The following PRKD3 variants were observed in gnomAD, a reference collection of about 807,000 sequenced individuals.
PRKD3 encodes the protein serine/threonine-protein kinase D3.
A neutral mutation model predicts 99.2 loss-of-function variants in PRKD3; 47 were observed. The ratio of observed to expected loss-of-function variants is 0.47; its 90% CI spans 0.38 to 0.60. The LOEUF (loss-of-function observed/expected upper bound fraction) is 0.60, where lower values mean the gene tolerates loss of function less well. Ranked by LOEUF, PRKD3 falls within the 20% of genes least tolerant of loss-of-function variation. The pLI, the probability that PRKD3 is intolerant of heterozygous loss-of-function variation, is 0.00. For missense variants in PRKD3, 1,019 were observed against 1,088.4 expected (o/e 0.94, Z 0.90); for synonymous variants, 392 against 355.4 (o/e 1.10, Z -1.16).
Position 37,250,748 on chromosome 2 carries a change from A to G in PRKD3, c.*2429T>C, listed in dbSNP as rs568425740. On this transcript the variant is annotated 3_prime_UTR_variant, in exon 19 of 19. Coordinates refer to ENST00000234179, the MANE Select transcript of PRKD3 (RefSeq NM_005813.6). ...TACATTTTATTATCAAGCTTCCAGT[A>G]TATTTACAAAAAGTTGGATATAACC... The G allele has an allele frequency of 2.6e-5, 4 of 152,284 alleles. No homozygotes were observed. The highest frequency in any genetic ancestry group is 1.3e-4 in the Admixed American group (2 of 15,282). The allele number at this position is 152,284 out of a possible 1,614,324, so 9.4% of individuals were successfully genotyped here. A position where few individuals can be genotyped will look rare whatever the true frequency, so the allele number is the denominator to read the frequency against.
rs1668929590 is a variant in PRKD3, at chr2:37,267,533, T to G, written c.1781A>C (p.Lys594Thr). ...CACATCCCTCCCAGTCTTTCTATGT[T>G]TTCCTATTAAGAAAAAAAGAAGAGG... ...SGQFGIVYGG[K>T]HRKTGRDVAI... Residue 594 changes from lysine to threonine, a missense_variant, in exon 14 of 19, where the codon AAA becomes ACA. Physicochemically the swap from Lys to Thr is moderately conservative, Grantham distance 78. Around this residue, in one of 3 missense-constraint regions of PRKD3, gnomAD observed 184 missense variants for 275.1 expected, o/e 0.67. Transcript: ENST00000234179. 1 of 1,599,432 alleles carries G rather than the reference T, an allele frequency of 6.3e-7. No individual in the cohort carries two copies. Among genetic ancestry groups the G allele is most frequent in the Non-Finnish European group, 8.5e-7 (1 of 1,170,092 alleles).
chr2:37,309,757 A>C (rs1057514158), intron 2 of PRKD3, among the ~76,000 whole-genome samples: 5 of 150,096 alleles, frequency 3.3e-5, no homozygotes, highest in African/African-American at 1.2e-4. Context: ...CTGACGCAGG[A>C]GAATCCCTTG....
intron 7 of PRKD3, among the ~76,000 whole-genome samples, chr2:37,281,682 T>C (rs1669864184): frequency 6.6e-6 from 1 of 152,178 alleles, no homozygotes; most frequent in Non-Finnish European, 1.5e-5. Context: ...TAGCCTATGG[T>C]ATTTTGTTAT....
chr2:37,290,824 T>G (rs1439649884), intron 4 of PRKD3, 44 bp downstream of exon 4: 1 of 1,523,094 alleles, frequency 6.6e-7, no homozygotes, highest in Non-Finnish European at 9.0e-7. Context: ...AATGCAAATG[T>G]GGAATCTTAT....
intron 15 of PRKD3, among the ~76,000 whole-genome samples, chr2:37,259,995 G>A (rs1222826375): frequency 1.3e-5 from 2 of 151,854 alleles, no homozygotes; most frequent in African/African-American, 4.8e-5. Flanking sequence ...TGAAACCCCA[G>A]CTCTACTAAA....
intron 2 of PRKD3, among the ~76,000 whole-genome samples, chr2:37,312,481 T>C (rs577674280): frequency 6.6e-4 from 101 of 152,350 alleles, no homozygotes; most frequent in African/African-American, 4.8e-4. Flanking sequence ...AGTCTTGTTA[T>C]AGCTCTGCCT....
chr2:37,279,525 A>G, intron 8 of PRKD3: 1 of 332,416 alleles, frequency 3.0e-6, no homozygotes, highest in Non-Finnish European at 5.3e-6. Flanking sequence ...AAAAACGAAA[A>G]AAAAAAAACA....
chr2:37,309,962 A>G lies in PRKD3; in HGVS notation c.288+6275T>C, dbSNP rs897819059. Among the ~76,000 whole-genome samples, 5 of 152,324 alleles carry G rather than the reference A, an allele frequency of 3.3e-5. No individual in the cohort carries two copies. In the East Asian group the frequency reaches 9.6e-4, roughly 29 times the overall value. ...ATGCAGCCCAAGAACAGAAGATAAA[A>G]TAAATCACAGAATTGATATACCATT... On this transcript the variant is annotated intron_variant, in intron 2 of 18. Transcript: ENST00000234179.
chr2:37,319,072 A>C (rs1337815619), intron 1 of PRKD3, among the ~76,000 whole-genome samples: 1 of 152,232 alleles, frequency 6.6e-6, no homozygotes, highest in Non-Finnish European at 1.5e-5. Flanking sequence ...TCTGTCAGAT[A>C]CTGTTCTAAG....
In PRKD3 at chr2:37,280,657, ACT is replaced by A. The variant is rs1669813827; in HGVS notation, c.989-730_989-729del. ...AAAATCTAAGAGCTAAAACTATAAAACTCATAGGAGAAAGCATGAGAGTAGAT... is the reference window on the plus strand; with the variant it reads ...AAAATCTAAGAGCTAAAACTATAAAACATAGGAGAAAGCATGAGAGTAGAT... On this transcript the variant is annotated intron_variant, in intron 7 of 18. Transcript: ENST00000234179. 2.0e-5 allele frequency among the ~76,000 whole-genome samples: 3 copies of A among 152,130 alleles called. No homozygotes were observed. The South Asian group carries it at 6.2e-4, about 32-fold the overall frequency.
At chr2:37,310,154 AATTG>A (rs3216660) in intron 2 of PRKD3, among the ~76,000 whole-genome samples, 21,232 of 152,146 alleles carry the variant, frequency 0.14, 1,629 homozygotes, top group South Asian at 0.27. Flanking sequence ...ACATAAACTT[AATTG>A]ATAGTAGTTT....
Position 37,318,903 on chromosome 2 carries a change from C to A in PRKD3, c.-655-1724G>T, listed in dbSNP as rs1282676142. Among the ~76,000 whole-genome samples, 6 of 151,968 alleles carry A rather than the reference C, an allele frequency of 3.9e-5. No individual in the cohort carries two copies. In the East Asian group the frequency reaches 1.2e-3, roughly 29 times the overall value. On this transcript the variant is annotated intron_variant, in intron 1 of 18. Coordinates refer to ENST00000234179, the MANE Select transcript of PRKD3 (RefSeq NM_005813.6). ...GCAGGAAAGCAAATTTCAGAAATTA[C>A]AAACATAAAAAATAATGAAGCAAAT... is the stretch of plus-strand genomic sequence containing the variant.
At chr2:37,281,697 G>C (rs1010159054) in intron 7 of PRKD3, among the ~76,000 whole-genome samples, 1 of 152,102 alleles carries the variant, frequency 6.6e-6, no homozygotes, top group Admixed American at 6.5e-5. Flanking sequence ...TGTTATAGCA[G>C]CACAAACAGA....
At chr2:37,323,553 C>A (rs1671972647) in intron 1 of PRKD3, among the ~76,000 whole-genome samples, 1 of 151,958 alleles carries the variant, frequency 6.6e-6, no homozygotes, top group African/African-American at 2.4e-5. Context: ...AGCAAGGGTT[C>A]GTTGACAAGG....
Position 37,316,501 on chromosome 2 carries a change from T to G in PRKD3, c.24A>C (p.Pro8=), listed in dbSNP as rs1671664782. The change falls in exon 2 of 19, where the codon CCA becomes CCC. Residue 8 remains proline (P), a synonymous_variant. Transcript: ENST00000234179. ...TGGGTAATACAGACTTCTGGGCTGA[T>G]GGAGGGGAATTATTTGCAGACATCT... MSANNSP[P]SAQKSVLPTA... 1 of 1,613,434 alleles carries G rather than the reference T, an allele frequency of 6.2e-7. No homozygotes were observed. The highest frequency in any genetic ancestry group is 8.5e-7 in the Non-Finnish European group (1 of 1,179,600).
chr2:37,270,351 G>GGA (rs1669147767), intron 12 of PRKD3, among the ~76,000 whole-genome samples: 1 of 140,842 alleles, frequency 7.1e-6, no homozygotes, highest in Admixed American at 7.0e-5. Context: ...TTGATTTTTG[G>GGA]AAAAAAAAAA....
In PRKD3 at chr2:37,282,527, G is replaced by T. The variant is rs756575088; in HGVS notation, c.988+15C>A. 6.6e-7 allele frequency: 1 copy of T among 1,517,272 alleles called. No individual in the cohort carries two copies. Among genetic ancestry groups the T allele is most frequent in the Admixed American group, 1.7e-5 (1 of 58,764 alleles). The allele number at this position is 1,517,272 out of a possible 1,614,324, so 94.0% of individuals were successfully genotyped here. Reference sequence around the variant, plus strand: ...TTTTCTGATCTTTCACAAAAATTAAGAAAAATAATTTTACCTCCATTGAAA... The same window carrying T: ...TTTTCTGATCTTTCACAAAAATTAATAAAAATAATTTTACCTCCATTGAAA... On this transcript the variant is annotated intron_variant, in intron 7 of 18. Transcript: ENST00000234179.
chr2:37,272,529 T>C (rs1257021782), intron 11 of PRKD3, 97 bp from the exon 12 acceptor site: 13 of 1,422,554 alleles, frequency 9.1e-6, no homozygotes, highest in Non-Finnish European at 1.1e-5. Flanking sequence ...TTAAAAAGTT[T>C]AGCACACAGT....
chr2:37,299,811 G>A (rs1335651174), intron 2 of PRKD3, among the ~76,000 whole-genome samples: 2 of 152,050 alleles, frequency 1.3e-5, no homozygotes, highest in African/African-American at 4.8e-5. Flanking sequence ...AATCATCAGA[G>A]AAATGCAAAT....
Sources: allele counts gnomAD v4.1 joint callset (sites outside exome capture counted in the v4.1 genomes callset), GRCh38; gene constraint gnomAD v4.1.1; regional missense constraint gnomAD v4.1.1; transcripts MANE v1.5; gene names NCBI Gene and HGNC (gene_info 2026-07-23, HGNC 2026-07-21).